Variants in XYLT1 observed in about 807,000 individuals in gnomAD.
XYLT1 encodes the protein beta-D-xylosyltransferase 1.
Under a neutral mutation model 91.3 loss-of-function variants are expected in XYLT1, and 36 were observed. The observed-to-expected ratio is 0.39, with a 90% confidence interval of 0.30 to 0.52. XYLT1 has a LOEUF of 0.52. XYLT1 is among the 20% of genes least tolerant of loss of function. The pLI is 0.68. For missense variants in XYLT1, 1,242 were observed against 1,284.5 expected (o/e 0.97, Z 0.51); for synonymous variants, 588 against 532.0 (o/e 1.11, Z -1.45).
intron 3 of XYLT1, among the ~76,000 whole-genome samples, chr16:17,258,244 C>T (rs1216825507): frequency 6.8e-6 from 1 of 146,066 alleles, no homozygotes; most frequent in Admixed American, 6.9e-5. Flanking sequence ...AAGAAGAGGA[C>T]AGAAAGCAGG....
chr16:17,362,871 G>A (rs2035402812), intron 1 of XYLT1, among the ~76,000 whole-genome samples: 1 of 152,162 alleles, frequency 6.6e-6, no homozygotes, highest in African/African-American at 2.4e-5. Context: ...AGGTATCTCC[G>A]TGAAGCCCAC....
chr16:17,238,108 C>T (rs997867749), intron 3 of XYLT1, among the ~76,000 whole-genome samples: 2 of 152,186 alleles, frequency 1.3e-5, no homozygotes, highest in African/African-American at 4.8e-5. Context: ...TCCATTCATC[C>T]ACCCCATCCC....
At chr16:17,195,384 C>T (rs890590307) in intron 5 of XYLT1, among the ~76,000 whole-genome samples, 18 of 152,150 alleles carry the variant, frequency 1.2e-4, no homozygotes, top group South Asian at 4.1e-4. Context: ...TTCTGACCTC[C>T]TGCTTATGGC....
intron 3 of XYLT1, among the ~76,000 whole-genome samples, chr16:17,222,970 G>A (rs904829013): frequency 6.6e-6 from 1 of 150,714 alleles, no homozygotes; most frequent in Non-Finnish European, 1.5e-5. Context: ...GGGACTAGGC[G>A]CTGATGAACT....
At chr16:17,119,174 A>G (rs1005424940) in intron 10 of XYLT1, among the ~76,000 whole-genome samples, 3 of 151,822 alleles carry the variant, frequency 2.0e-5, no homozygotes, top group African/African-American at 7.3e-5. Context: ...GCCTACTACC[A>G]TGCTTAGTAC....
rs139527450 is a variant in XYLT1, at chr16:17,378,684, G to A, written c.364-20634C>T. On this transcript the variant is annotated intron_variant, in intron 1 of 11. Transcript: ENST00000261381. The stretch of plus-strand genomic sequence containing the variant: ...TTGTAACTCATGTTTTCACCGTCAC[G>A]ACAACACTGTAAGGCAAATTACGAC... Among the ~76,000 whole-genome samples the A allele has an allele frequency of 5.4e-3, 819 of 152,232 alleles. 10 individuals carry two copies. The highest frequency in any genetic ancestry group is 4.5e-3 in the Non-Finnish European group (309 of 68,022).
chr16:17,315,293 C>T (rs928287508), intron 2 of XYLT1, among the ~76,000 whole-genome samples: 6 of 152,208 alleles, frequency 3.9e-5, no homozygotes, highest in African/African-American at 1.4e-4. Context: ...TATCTCCTGC[C>T]TTGTGGATGC....
At chr16:17,232,485 C>T (rs1280518119) in intron 3 of XYLT1, among the ~76,000 whole-genome samples, 6 of 142,114 alleles carry the variant, frequency 4.2e-5, no homozygotes, top group Non-Finnish European at 7.5e-5. Flanking sequence ...TCAAAAAGTT[C>T]TGAATCTCAA....
chr16:17,142,576 GGCACACACCAC>G (rs1422216881), intron 6 of XYLT1, among the ~76,000 whole-genome samples: 11 of 150,314 alleles, frequency 7.3e-5, no homozygotes, highest in African/African-American at 2.7e-4. Flanking sequence ...TGGGATTACA[GGCACACACCAC>G]CTCACCCAGC....
intron 1 of XYLT1, among the ~76,000 whole-genome samples, chr16:17,426,191 G>C (rs979785373): frequency 6.6e-6 from 1 of 152,122 alleles, no homozygotes; most frequent in Non-Finnish European, 1.5e-5. Context: ...TTCTAGATAC[G>C]GGGAGAAAAA....
rs149577321 is a variant in XYLT1, at chr16:17,255,219, G to C, written c.913+3769C>G. Among the ~76,000 whole-genome samples the C allele has an allele frequency of 2.0e-5, 3 of 152,004 alleles. No homozygotes were observed. The South Asian group carries it at 6.2e-4, about 32-fold the overall frequency. ...TCGCCATGTTGGCCAGGCTGGTCTCGAACTCCTGATCTCAAATGATCTGCC... is the reference window on the plus strand; with the variant it reads ...TCGCCATGTTGGCCAGGCTGGTCTCCAACTCCTGATCTCAAATGATCTGCC... On this transcript the variant is annotated intron_variant, in intron 3 of 11. Coordinates refer to ENST00000261381, the MANE Select transcript of XYLT1 (RefSeq NM_022166.4).
chr16:17,148,208 A>C (rs2031187672), intron 6 of XYLT1, among the ~76,000 whole-genome samples: 1 of 152,188 alleles, frequency 6.6e-6, no homozygotes, highest in Admixed American at 6.5e-5. Context: ...GGGCCTTGCA[A>C]AGTGTTTAGT....
intron 1 of XYLT1, among the ~76,000 whole-genome samples, chr16:17,418,329 A>G (rs2036205948): frequency 6.6e-6 from 1 of 152,202 alleles, no homozygotes. Context: ...ATTAAGGTGG[A>G]GGCTGGATTT....
At chr16:17,134,351 GA>G (rs1398458792) in intron 9 of XYLT1, 121 bp downstream of exon 9, 1 of 1,342,992 alleles carries the variant, frequency 7.4e-7, no homozygotes, top group Non-Finnish European at 1.0e-6. Flanking sequence ...CAAAGGAAGA[GA>G]GAAAGCATAG....
At chr16:17,301,782 G>C (rs2034399862) in intron 2 of XYLT1, among the ~76,000 whole-genome samples, 1 of 152,204 alleles carries the variant, frequency 6.6e-6, no homozygotes, top group Non-Finnish European at 1.5e-5. Flanking sequence ...GTTTACAAAA[G>C]TGGAAAGACT....
At chr16:17,463,284 T>G (rs1358043902) in intron 1 of XYLT1, among the ~76,000 whole-genome samples, 1 of 151,980 alleles carries the variant, frequency 6.6e-6, no homozygotes, top group Non-Finnish European at 1.5e-5. Context: ...AATTAAATAA[T>G]CTACAAAATG....
At chr16:17,275,830 T>C (rs1253390972) in intron 2 of XYLT1, among the ~76,000 whole-genome samples, 1 of 152,102 alleles carries the variant, frequency 6.6e-6, no homozygotes, top group Non-Finnish European at 1.5e-5. Flanking sequence ...TTCAAACTCA[T>C]CCTTTGCCTG....
rs116974291 is a variant in XYLT1, at chr16:17,325,695, T to A, written c.402+32317A>T. ...CCGTGGGAATATATTGCCTTATGAG[T>A]GGGGGAAAAAATTCCATTCAAACAT... On this transcript the variant is annotated intron_variant, in intron 2 of 11. Transcript: ENST00000261381. Among the ~76,000 whole-genome samples the A allele has an allele frequency of 6.1e-3, 934 of 152,214 alleles. 6 individuals are homozygous for A. The highest frequency in any genetic ancestry group is 0.014 in the Middle Eastern group (4 of 294).
chr16:17,188,289 T>C (rs770786041), intron 5 of XYLT1, among the ~76,000 whole-genome samples: 3 of 152,140 alleles, frequency 2.0e-5, no homozygotes, highest in Non-Finnish European at 2.9e-5. Flanking sequence ...GTGGCAAATA[T>C]TGTCACTCTC....
Sources: gnomAD v4.1 joint callset for allele counts (sites outside exome capture counted in the v4.1 genomes callset) on GRCh38, gnomAD v4.1.1 for gene constraint, MANE v1.5 for transcripts, NCBI Gene and HGNC (gene_info 2026-07-23, HGNC 2026-07-21) for gene names.